The following DCAKD variants were observed in gnomAD, a reference collection of about 807,000 sequenced individuals.
DCAKD encodes dephospho-CoA kinase domain-containing protein.
A neutral mutation model predicts 18.7 loss-of-function variants in DCAKD; 15 were observed. That is an observed-to-expected ratio of 0.80 (90% CI 0.54 to 1.24). The LOEUF is 1.24. Ranked by LOEUF, DCAKD falls within the 50% of genes most tolerant of loss-of-function variation. DCAKD has a pLI of 0.00. For synonymous variants in DCAKD, 130 were observed against 133.0 expected (o/e 0.98, Z 0.16); for missense variants, 301 against 322.0 (o/e 0.93, Z 0.50).
intron 4 of DCAKD, among the ~76,000 whole-genome samples, chr17:45,025,029 T>TTG (rs34668272): frequency 7.3e-6 from 1 of 137,862 alleles, no homozygotes; most frequent in Non-Finnish European, 1.6e-5. Context: ...TTTTTTTTTT[T>TTG]GCCATCTGGG....
chr17:45,056,941 G>T (rs898727960), intron 1 of DCAKD, among the ~76,000 whole-genome samples: 1 of 151,570 alleles, frequency 6.6e-6, no homozygotes, highest in Admixed American at 6.6e-5. Flanking sequence ...CTAATTTTTT[G>T]TATTTTCAGT....
chr17:45,036,456 C>T (rs1008681613), intron 1 of DCAKD, among the ~76,000 whole-genome samples: 12 of 151,986 alleles, frequency 7.9e-5, no homozygotes, highest in African/African-American at 2.9e-4. Flanking sequence ...GCGGAGGTTG[C>T]AGTGAGCGGA....
chr17:45,025,744 CTTTTTTT>C lies in DCAKD; in HGVS notation c.405-1027_405-1021del, dbSNP rs66731834. ...TTTGATCACTACATTTTGGTTCCTTCTTTTTTTTTTTTTTTTTTTTTTTTCCTGAGAC... is the reference window on the plus strand; with the variant it reads ...TTTGATCACTACATTTTGGTTCCTTCTTTTTTTTTTTTTTTTTCCTGAGAC... On this transcript the variant is annotated intron_variant, in intron 4 of 4. Transcript: ENST00000651974. 3.6e-3 allele frequency among the ~76,000 whole-genome samples: 372 copies of C among 103,838 alleles called. 6 individuals carry two copies. The highest frequency in any genetic ancestry group is 0.025 in the Admixed American group (245 of 9,954). The allele number at this position is 103,838 out of a possible 152,430, so 68.1% of individuals were successfully genotyped here.
In DCAKD at chr17:45,034,761, C is replaced by T; in HGVS notation, c.112+13G>A. ...TGCTGTGCACGGCCCCCCAACCTGC[C>T]CCTCCAACTCACCGTGCCGGGCCAT... On this transcript the variant is annotated intron_variant, in intron 2 of 4. Transcript: ENST00000651974. 1 of 1,613,492 alleles carries T rather than the reference C, an allele frequency of 6.2e-7. No homozygotes were observed. Among genetic ancestry groups the T allele is most frequent in the Non-Finnish European group, 8.5e-7 (1 of 1,179,700 alleles).
Position 45,034,931 on chromosome 17 carries a change from A to G in DCAKD, c.-46T>C. 1 of 1,600,446 alleles carries G rather than the reference A, an allele frequency of 6.2e-7. No homozygotes were observed. The highest frequency in any genetic ancestry group is 1.1e-5 in the South Asian group (1 of 89,946). On this transcript the variant is annotated 5_prime_UTR_variant, in exon 2 of 5. Coordinates refer to ENST00000651974, the MANE Select transcript of DCAKD (RefSeq NM_001288655.2). ...CCGCGAGACTACGGAGCCAGGAGCT[A>G]CAGAATCACTGGAGAGCAGGGCAAG...
intron 1 of DCAKD, among the ~76,000 whole-genome samples, chr17:45,035,480 T>TAAAAA (rs35837364): frequency 1.2e-5 from 1 of 86,942 alleles, no homozygotes; most frequent in Non-Finnish European, 2.2e-5. Context: ...AGATTCCTTC[T>TAAAAA]AAAAAAAAAA....
At chr17:45,025,139 C>T (rs868797088) in intron 4 of DCAKD, among the ~76,000 whole-genome samples, 2 of 151,602 alleles carry the variant, frequency 1.3e-5, no homozygotes, top group East Asian at 3.9e-4. Context: ...GGATGGGTGA[C>T]CTTTACTGAA....
intron 4 of DCAKD, among the ~76,000 whole-genome samples, chr17:45,024,965 G>T (rs2053024261): frequency 6.6e-6 from 1 of 151,400 alleles, no homozygotes; most frequent in Admixed American, 6.6e-5. Context: ...TATGGGCTAC[G>T]GAAGCCCCTT....
At chr17:45,029,363 A>G (rs749471362) in intron 4 of DCAKD, among the ~76,000 whole-genome samples, 2 of 152,242 alleles carry the variant, frequency 1.3e-5, no homozygotes, top group Non-Finnish European at 2.9e-5. Flanking sequence ...TTGAGGGCCA[A>G]CCTATGCCCA....
At chr17:45,035,089 TG>T (rs1378599910) in intron 1 of DCAKD, 90 bp from the exon 2 acceptor site, 4 of 566,006 alleles carry the variant, frequency 7.1e-6, no homozygotes, top group Middle Eastern at 4.5e-4. Context: ...ACAGCTTGGC[TG>T]GGGAGGGACA....
intron 4 of DCAKD, among the ~76,000 whole-genome samples, chr17:45,029,671 G>A (rs1036622291): frequency 5.3e-5 from 8 of 152,150 alleles, no homozygotes; most frequent in Non-Finnish European, 1.2e-4. Context: ...GACACATTCT[G>A]TAACTGCCCC....
intron 3 of DCAKD, chr17:45,031,758 C>G: frequency 1.0e-6 from 1 of 985,448 alleles, no homozygotes; most frequent in Middle Eastern, 5.2e-4. Flanking sequence ...TGTCACATCC[C>G]TCCTGTCTGA....
chr17:45,052,673 T>G (rs1597988316), upstream of DCAKD, among the ~76,000 whole-genome samples: 5 of 138,982 alleles, frequency 3.6e-5, no homozygotes, highest in East Asian at 2.1e-4. Context: ...TAAACAAGAG[T>G]GAGACTAACC....
At chr17:45,036,920 C>T (rs939496354) in intron 1 of DCAKD, among the ~76,000 whole-genome samples, 2 of 152,264 alleles carry the variant, frequency 1.3e-5, no homozygotes, top group African/African-American at 2.4e-5. Context: ...ATTTACTGTC[C>T]TAATTACACT....
chr17:45,031,509 C>T, intron 3 of DCAKD: 1 of 979,098 alleles, frequency 1.0e-6, no homozygotes, highest in Non-Finnish European at 1.2e-6. Flanking sequence ...TGCAGTACTA[C>T]TCCTTCACCA....
chr17:45,049,514 G>A (rs2053642760), intron 1 of DCAKD, among the ~76,000 whole-genome samples: 1 of 150,968 alleles, frequency 6.6e-6, no homozygotes, highest in Non-Finnish European at 1.5e-5. Flanking sequence ...AAAAGATGAG[G>A]GAAATCAAAT....
At chr17:45,041,891 G>T (rs535511313) in intron 1 of DCAKD, among the ~76,000 whole-genome samples, 42 of 152,096 alleles carry the variant, frequency 2.8e-4, no homozygotes, top group Middle Eastern at 3.4e-3. Flanking sequence ...GGCCAAGGTG[G>T]GAGGATCACT....
In DCAKD at chr17:45,048,786, A is replaced by G. The variant is rs887776447; in HGVS notation, c.-115+2575T>C. Among the ~76,000 whole-genome samples, 51 of 152,100 alleles carry G rather than the reference A, an allele frequency of 3.4e-4. 1 individual carries two copies. ...GCGCCACTGCACTCCAGCCTGGGTG[A>G]CAGAGTGAGACAGACTCTGTCTCAA... On this transcript the variant is annotated intron_variant, in intron 1 of 4. Coordinates refer to ENST00000651974, the MANE Select transcript of DCAKD (RefSeq NM_001288655.2).
At position 45,048,678 on chromosome 17, in the gene DCAKD, C is replaced by T. The variant is rs576618102; in HGVS notation, c.-115+2683G>A. On this transcript the variant is annotated intron_variant, in intron 1 of 4. Coordinates refer to ENST00000651974, the MANE Select transcript of DCAKD (RefSeq NM_001288655.2). ...AAAATTAGCCAGGCGTGGTGGCATG[C>T]ACCTGTAATCCCAGCTACTCAGGAG... 4.1e-4 allele frequency among the ~76,000 whole-genome samples: 62 copies of T among 149,888 alleles called. No individual in the cohort carries two copies. The Middle Eastern group carries it at 0.014, about 34-fold the overall frequency.
Sources: gnomAD v4.1 joint callset for allele counts (sites outside exome capture counted in the v4.1 genomes callset) on GRCh38, gnomAD v4.1.1 for gene constraint, MANE v1.5 for transcripts, NCBI Gene and HGNC (gene_info 2026-07-23, HGNC 2026-07-21) for gene names.